CDH12: variants seen among roughly 807,000 people sequenced by gnomAD.
The protein encoded by CDH12 is cadherin 12.
Under a neutral mutation model 74.1 loss-of-function variants are expected in CDH12, and 41 were observed. That is an observed-to-expected ratio of 0.55 (90% CI 0.43 to 0.72). CDH12 has a LOEUF of 0.72. Among genes scored for constraint, CDH12 ranks in the 30% least tolerant of loss-of-function variants. The pLI is 0.00. For missense variants in CDH12, 945 were observed against 977.2 expected, an observed-to-expected ratio of 0.97 and a Z score of 0.44; for synonymous variants, 399 against 355.0, an observed-to-expected ratio of 1.12 and a Z score of -1.39.
chr5:22,188,360 G>C (rs6879041), intron 4 of CDH12, among the ~76,000 whole-genome samples: 147,505 of 150,890 alleles, frequency 0.98, 72,218 homozygotes, highest in East Asian at 1. Context: ...GAAACCAGGG[G>C]TATGGCCTTG....
intron 1 of CDH12, among the ~76,000 whole-genome samples, chr5:22,805,233 TAATAA>T (rs1340881928): frequency 2.6e-5 from 4 of 152,054 alleles, no homozygotes; most frequent in African/African-American, 7.2e-5. Context: ...TATACTTATA[TAATAA>T]AATACTTACA....
chr5:22,682,400 T>C (rs1561574371), intron 1 of CDH12, among the ~76,000 whole-genome samples: 1 of 152,098 alleles, frequency 6.6e-6, no homozygotes, highest in African/African-American at 2.4e-5. Context: ...AAATAAGTCT[T>C]ATTAATATAT....
intron 1 of CDH12, among the ~76,000 whole-genome samples, chr5:22,742,013 T>C (rs989113474): frequency 1.3e-5 from 2 of 151,996 alleles, no homozygotes; most frequent in Admixed American, 6.6e-5. Flanking sequence ...AAACCCTGTC[T>C]CTACTAAAAA....
chr5:22,824,702 T>C (rs1251247058), intron 1 of CDH12, among the ~76,000 whole-genome samples: 3 of 151,576 alleles, frequency 2.0e-5, no homozygotes, highest in Non-Finnish European at 4.4e-5. Context: ...ATGAATAAAC[T>C]TTGCAAATAT....
chr5:22,529,165 G>GTATATATA (rs375609140), intron 1 of CDH12, among the ~76,000 whole-genome samples: 5 of 75,718 alleles, frequency 6.6e-5, no homozygotes, highest in East Asian at 3.9e-4. Context: ...ATACACATGT[G>GTATATATA]TATATATATA....
chr5:21,810,384 C>T (rs1358824615), intron 9 of CDH12, among the ~76,000 whole-genome samples: 5 of 152,084 alleles, frequency 3.3e-5, no homozygotes, highest in Admixed American at 3.3e-4. Context: ...AAATTTTAAC[C>T]TGAGTTCTGG....
chr5:22,056,548 T>C (rs1451674845), intron 5 of CDH12, among the ~76,000 whole-genome samples: 1 of 152,216 alleles, frequency 6.6e-6, no homozygotes, highest in Non-Finnish European at 1.5e-5. Context: ...TATGTCTTCG[T>C]TGAACATAGA....
intron 3 of CDH12, among the ~76,000 whole-genome samples, chr5:22,358,255 A>G (rs956970118): frequency 2.0e-5 from 3 of 152,072 alleles, no homozygotes; most frequent in Admixed American, 2.0e-4. Flanking sequence ...CTAAAAATAC[A>G]AAAATTAGTT....
chr5:22,676,925 C>A (rs1442592950), intron 1 of CDH12, among the ~76,000 whole-genome samples: 1 of 152,102 alleles, frequency 6.6e-6, no homozygotes, highest in East Asian at 1.9e-4. Flanking sequence ...TAGACTGCAT[C>A]AGTGGTATGC....
At chr5:22,418,909 T>A (rs1743513022) in intron 2 of CDH12, among the ~76,000 whole-genome samples, 1 of 152,054 alleles carries the variant, frequency 6.6e-6, no homozygotes. Context: ...TAAATAAATA[T>A]AAATAGCTTT....
intron 3 of CDH12, among the ~76,000 whole-genome samples, chr5:22,384,656 T>A (rs1321909703): frequency 6.6e-6 from 1 of 152,146 alleles, no homozygotes; most frequent in Non-Finnish European, 1.5e-5. Context: ...ACAGCTAGAC[T>A]ATTAGAGATC....
chr5:22,767,527 CT>C lies in CDH12; in HGVS notation c.-523+85530del, dbSNP rs920385904. ...AAAACTCAACCCAGTCATAACAGGG[CT>C]TTTTTTTTCTGAAAAGAAAGGATGA... On this transcript the variant is annotated intron_variant, in intron 1 of 14. Coordinates refer to ENST00000382254, the MANE Select transcript of CDH12 (RefSeq NM_004061.5). 4.6e-5 allele frequency among the ~76,000 whole-genome samples: 7 copies of C among 150,588 alleles called. No homozygotes were observed. The East Asian group carries it at 7.8e-4, about 17-fold the overall frequency.
At chr5:22,125,784 C>T (rs551935739) in intron 4 of CDH12, among the ~76,000 whole-genome samples, 21 of 152,226 alleles carry the variant, frequency 1.4e-4, no homozygotes, top group African/African-American at 5.1e-4. Flanking sequence ...TTAAGAACAC[C>T]ATTGAGGTTT....
intron 6 of CDH12, among the ~76,000 whole-genome samples, chr5:21,963,818 G>C: frequency 6.6e-6 from 1 of 152,022 alleles, no homozygotes; most frequent in East Asian, 1.9e-4. Flanking sequence ...CCATCTTTGT[G>C]AATTCAAACT....
At chr5:22,615,751 T>C (rs776469126) in intron 1 of CDH12, among the ~76,000 whole-genome samples, 2 of 152,170 alleles carry the variant, frequency 1.3e-5, no homozygotes, top group African/African-American at 4.8e-5. Context: ...CAAGCTACAC[T>C]GCCAATTAAT....
chr5:22,142,395 A>T (rs1746859955), intron 4 of CDH12: 2 of 524,642 alleles, frequency 3.8e-6, no homozygotes, highest in Non-Finnish European at 7.4e-6. Flanking sequence ...AAACCAAAGA[A>T]AAAACATAAT....
chr5:22,782,835 A>G (rs1020104924), intron 1 of CDH12, among the ~76,000 whole-genome samples: 1 of 152,220 alleles, frequency 6.6e-6, no homozygotes, highest in Non-Finnish European at 1.5e-5. Flanking sequence ...ATTAGAGGGC[A>G]TATGTCAAGT....
chr5:22,231,436 G>T (rs1410326502), intron 3 of CDH12, among the ~76,000 whole-genome samples: 1 of 151,510 alleles, frequency 6.6e-6, no homozygotes, highest in Non-Finnish European at 1.5e-5. Context: ...TGTTCATTAG[G>T]GGATTTTATG....
chr5:22,677,584 T>C (rs955195248), intron 1 of CDH12, among the ~76,000 whole-genome samples: 1 of 152,002 alleles, frequency 6.6e-6, no homozygotes, highest in Non-Finnish European at 1.5e-5. Flanking sequence ...TGTCAACATA[T>C]GAATTTTTGA....
Sources: allele counts gnomAD v4.1 joint callset (sites outside exome capture counted in the v4.1 genomes callset), GRCh38; gene constraint gnomAD v4.1.1; transcripts MANE v1.5; gene names NCBI Gene and HGNC (gene_info 2026-07-23, HGNC 2026-07-21).